MAP2K5: variants seen among roughly 807,000 people sequenced by gnomAD.
MAP2K5 encodes the protein mitogen-activated protein kinase kinase 5.
Under a neutral mutation model 83.1 loss-of-function variants are expected in MAP2K5, and 49 were observed. The ratio of observed to expected loss-of-function variants is 0.59; its 90% CI spans 0.47 to 0.75. The LOEUF is 0.75. Ranked by LOEUF, MAP2K5 falls within the 30% of genes least tolerant of loss-of-function variation. The probability of loss-of-function intolerance (pLI) is 0.00; values close to 1 mark genes in which losing one functional copy is unlikely to be tolerated. For synonymous variants in MAP2K5, 202 were observed against 191.8 expected, an observed-to-expected ratio of 1.05 and a Z score of -0.44; for missense variants, 457 against 557.5, an observed-to-expected ratio of 0.82 and a Z score of 1.82.
intron 8 of MAP2K5, among the ~76,000 whole-genome samples, chr15:67,627,241 G>GCC (rs1056213726): frequency 7.2e-5 from 11 of 152,248 alleles, no homozygotes; most frequent in South Asian, 2.1e-4. Flanking sequence ...GAGCCACTGT[G>GCC]CCCAACCTGA....
chr15:67,753,766 G>A (rs1179270290), intron 19 of MAP2K5, among the ~76,000 whole-genome samples: 1 of 152,114 alleles, frequency 6.6e-6, no homozygotes, highest in Non-Finnish European at 1.5e-5. Flanking sequence ...ATGTAAAATG[G>A]TTCCACAGTT....
intron 9 of MAP2K5, among the ~76,000 whole-genome samples, chr15:67,635,234 G>A (rs1455328499): frequency 7.1e-6 from 1 of 141,038 alleles, no homozygotes; most frequent in Non-Finnish European, 1.5e-5. Flanking sequence ...CGCCTAGGCT[G>A]GAGTGCAGTG....
intron 8 of MAP2K5, among the ~76,000 whole-genome samples, chr15:67,606,217 C>A (rs2085774947): frequency 6.6e-6 from 1 of 152,184 alleles, no homozygotes. Context: ...AGTTAGCCAG[C>A]AATCACTGAA....
intron 21 of MAP2K5, among the ~76,000 whole-genome samples, chr15:67,792,574 C>G (rs1451599294): frequency 6.6e-6 from 1 of 152,170 alleles, no homozygotes; most frequent in South Asian, 2.1e-4. Flanking sequence ...TGGTCCTTTC[C>G]TACCTGACCT....
intron 1 of MAP2K5, among the ~76,000 whole-genome samples, chr15:67,548,119 T>C (rs2084433865): frequency 6.6e-6 from 1 of 152,216 alleles, no homozygotes; most frequent in South Asian, 2.1e-4. Context: ...AGGTTTTCAG[T>C]TGGTTGTTAG....
Position 67,622,144 on chromosome 15 carries a change from CAA to C in MAP2K5, c.546-8725_546-8724del, listed in dbSNP as rs11289969. 2.9e-3 allele frequency among the ~76,000 whole-genome samples: 259 copies of C among 90,670 alleles called. 2 individuals are homozygous for C. Among genetic ancestry groups the C allele is most frequent in the South Asian group, 2.6e-3 (7 of 2,676 alleles). The allele number at this position is 90,670 out of a possible 152,430, so 59.5% of individuals were successfully genotyped here. A position where few individuals can be genotyped will look rare whatever the true frequency, so the allele number is the denominator to read the frequency against. On this transcript the variant is annotated intron_variant, in intron 8 of 21. Transcript: ENST00000178640. ...TGGGCAACAGAGTGAGGCTCCATCT[CAA>C]AAAAAAAAAAAAAAAAAAGAAGATG...
At position 67,758,577 on chromosome 15, in the gene MAP2K5, C is replaced by T. The variant is rs2089886644; in HGVS notation, c.1134+9976C>T. On this transcript the variant is annotated intron_variant, in intron 19 of 21. Transcript: ENST00000178640. This position sits in a 1 kb window ranked among gnomAD's most constrained non-coding sequence, Gnocchi z 4.7. ...CATCCTATAGGCTCTTGTAAATATT[C>T]ATCAAATGACATTTATGCATAAATC... is the stretch of plus-strand genomic sequence containing the variant. Among the ~76,000 whole-genome samples the T allele has an allele frequency of 6.6e-6, 1 of 152,098 alleles. No homozygotes were observed. The highest frequency in any genetic ancestry group is 6.5e-5 in the Admixed American group (1 of 15,270).
At chr15:67,576,503 T>G (rs1473087892) in intron 3 of MAP2K5, among the ~76,000 whole-genome samples, 1 of 147,670 alleles carries the variant, frequency 6.8e-6, no homozygotes, top group African/African-American at 2.5e-5. Flanking sequence ...TGTCACATCC[T>G]TATTAAAATG....
At chr15:67,776,101 GC>G (rs2090233349) in intron 21 of MAP2K5, among the ~76,000 whole-genome samples, 1 of 152,100 alleles carries the variant, frequency 6.6e-6, no homozygotes, top group Non-Finnish European at 1.5e-5. Flanking sequence ...AGAGCCTATT[GC>G]AGAAATCAGG....
chr15:67,731,075 A>G (rs1421830006), intron 17 of MAP2K5, among the ~76,000 whole-genome samples: 3 of 152,242 alleles, frequency 2.0e-5, no homozygotes, highest in Non-Finnish European at 4.4e-5. Context: ...GTTGGGCTGC[A>G]GCACAAAACA....
intron 19 of MAP2K5, among the ~76,000 whole-genome samples, chr15:67,761,989 A>G (rs900860450): frequency 2.6e-5 from 4 of 152,222 alleles, no homozygotes; most frequent in Non-Finnish European, 5.9e-5. Flanking sequence ...CAAACACTGT[A>G]TAGGAACAAG....
chr15:67,574,620 G>T (rs1354091679), intron 3 of MAP2K5, among the ~76,000 whole-genome samples: 3 of 149,338 alleles, frequency 2.0e-5, no homozygotes, highest in African/African-American at 7.4e-5. Flanking sequence ...TGTAATCCCA[G>T]CACTTTGGGA....
rs142296324 is a variant in MAP2K5 at position 67,668,924 on chromosome 15, G to C, written c.847+4279G>C. On this transcript the variant is annotated intron_variant, in intron 13 of 21. Coordinates refer to ENST00000178640, the MANE Select transcript of MAP2K5 (RefSeq NM_145160.3). The surrounding 1 kb of genome is among the most constrained non-coding windows in gnomAD (Gnocchi z 4.0). ...CAATAGGAGAACTTTTTAAAAATACGTTTTTGCAGAAATTCTGTAGGAAAA... is the reference window on the plus strand; with the variant it reads ...CAATAGGAGAACTTTTTAAAAATACCTTTTTGCAGAAATTCTGTAGGAAAA... Among the ~76,000 whole-genome samples the C allele has an allele frequency of 6.6e-6, 1 of 151,994 alleles. No homozygotes were observed. Among genetic ancestry groups the C allele is most frequent in the African/African-American group, 2.4e-5 (1 of 41,396 alleles).
rs1449794834 is a variant in MAP2K5 at position 67,780,986 on chromosome 15, A to T, written c.1242+8234A>T. Among the ~76,000 whole-genome samples the T allele has an allele frequency of 2.0e-5, 3 of 152,084 alleles. No homozygotes were observed. The highest frequency in any genetic ancestry group is 2.9e-5 in the Non-Finnish European group (2 of 68,010). ...ATTAGAGAGCCAAAACCTAGAGGAGACCTCCTGGCTAGCACCATCTTTGCC... is the reference window on the plus strand; with the variant it reads ...ATTAGAGAGCCAAAACCTAGAGGAGTCCTCCTGGCTAGCACCATCTTTGCC... On this transcript the variant is annotated intron_variant, in intron 21 of 21. Coordinates refer to ENST00000178640, the MANE Select transcript of MAP2K5 (RefSeq NM_145160.3). The surrounding 1 kb of genome is among the most constrained non-coding windows in gnomAD (Gnocchi z 5.0).
intron 13 of MAP2K5, among the ~76,000 whole-genome samples, chr15:67,684,696 T>C (rs1273223585): frequency 3.9e-5 from 6 of 152,118 alleles, no homozygotes; most frequent in Non-Finnish European, 8.8e-5. Flanking sequence ...AGAATAGTTA[T>C]TATAAAAACT....
At chr15:67,605,715 A>G (rs183965945) in intron 8 of MAP2K5, among the ~76,000 whole-genome samples, 11 of 152,212 alleles carry the variant, frequency 7.2e-5, no homozygotes, top group African/African-American at 2.2e-4. Flanking sequence ...CTCAAGGTCA[A>G]GCAGAGTCCA....
chr15:67,640,498 G>C lies in MAP2K5; in HGVS notation c.586-5733G>C. On this transcript the variant is annotated intron_variant, in intron 9 of 21. Coordinates refer to ENST00000178640, the MANE Select transcript of MAP2K5 (RefSeq NM_145160.3). The surrounding 1 kb of genome is among the most constrained non-coding windows in gnomAD (Gnocchi z 4.6). ...TCCCAGTGACCTCAGCTGTGAAACG[G>C]GGCTGCCTGATGTCACAGAGGATTG... 3.9e-6 allele frequency: 3 copies of C among 760,572 alleles called. No homozygotes were observed. Among genetic ancestry groups the C allele is most frequent in the Non-Finnish European group, 4.8e-6 (3 of 624,796 alleles). The allele number at this position is 760,572 out of a possible 1,614,324, so 47.1% of individuals were successfully genotyped here. A position where few individuals can be genotyped will look rare whatever the true frequency, so the allele number is the denominator to read the frequency against.
Position 67,782,542 on chromosome 15 carries a change from T to C in MAP2K5, c.1242+9790T>C, listed in dbSNP as rs548609629. On this transcript the variant is annotated intron_variant, in intron 21 of 21. Transcript: ENST00000178640. This position sits in a 1 kb window ranked among gnomAD's most constrained non-coding sequence, Gnocchi z 4.9. ...ACAGTAGGCGCCTCTCTTCTCACAG[T>C]GACCAGGCCTGAGTTTATTCAGCAT... Among the ~76,000 whole-genome samples, 2 of 152,214 alleles carry C rather than the reference T, an allele frequency of 1.3e-5. No individual in the cohort carries two copies. The highest frequency in any genetic ancestry group is 4.8e-5 in the African/African-American group (2 of 41,454).
chr15:67,724,096 G>T lies in MAP2K5; in HGVS notation c.1045-3820G>T, dbSNP rs539436560. ...TACAGAAACAGGCAAAATTAAAAAG[G>T]ACATTAAAGCTTCATTAAATCTGAA... On this transcript the variant is annotated intron_variant, in intron 16 of 21. Coordinates refer to ENST00000178640, the MANE Select transcript of MAP2K5 (RefSeq NM_145160.3). This position sits in a 1 kb window ranked among gnomAD's most constrained non-coding sequence, Gnocchi z 4.4. Among the ~76,000 whole-genome samples the T allele has an allele frequency of 7.2e-5, 11 of 152,298 alleles. No homozygotes were observed. Among genetic ancestry groups the T allele is most frequent in the Non-Finnish European group, 1.5e-4 (10 of 68,024 alleles).
Sources: gnomAD v4.1 joint callset for allele counts (sites outside exome capture counted in the v4.1 genomes callset) on GRCh38, gnomAD v4.1.1 for gene constraint, Gnocchi (gnomAD v3.1) non-coding constraint, MANE v1.5 for transcripts, NCBI Gene and HGNC (gene_info 2026-07-23, HGNC 2026-07-21) for gene names.